The following HS3ST4 variants were observed in gnomAD, a reference collection of about 807,000 sequenced individuals.
HS3ST4 encodes heparan sulfate glucosamine 3-O-sulfotransferase 4.
Under a neutral mutation model 29.2 loss-of-function variants are expected in HS3ST4, and 17 were observed. The observed-to-expected ratio is 0.58, with a 90% CI of 0.40 to 0.87. The LOEUF (loss-of-function observed/expected upper bound fraction) is 0.87, where lower values mean the gene tolerates loss of function less well. Ranked by LOEUF, HS3ST4 falls within the 40% of genes least tolerant of loss-of-function variation. The pLI is 0.00. For missense variants in HS3ST4, 627 were observed against 634.5 expected (o/e 0.99, Z 0.13); for synonymous variants, 314 against 285.7 (o/e 1.10, Z -1.00).
chr16:25,776,259 T>C (rs1320189923), intron 1 of HS3ST4, among the ~76,000 whole-genome samples: 1 of 152,146 alleles, frequency 6.6e-6, no homozygotes, highest in African/African-American at 2.4e-5. Context: ...CCAGAATCAC[T>C]AAGTTAAAGG....
In HS3ST4 at chr16:25,874,553, A is replaced by G. The variant is rs988618477; in HGVS notation, c.734+181402A>G. On this transcript the variant is annotated intron_variant, in intron 1 of 1. Coordinates refer to ENST00000331351, the MANE Select transcript of HS3ST4 (RefSeq NM_006040.3). ...CCACATATTTGAATCCCACCCATCCATCAATTTTTCCATCCACCAACTTAT... is the reference window on the plus strand; with the variant it reads ...CCACATATTTGAATCCCACCCATCCGTCAATTTTTCCATCCACCAACTTAT... Among the ~76,000 whole-genome samples, 3 of 152,144 alleles carry G rather than the reference A, an allele frequency of 2.0e-5. 1 individual carries two copies. Among genetic ancestry groups the G allele is most frequent in the Admixed American group, 1.3e-4 (2 of 15,268 alleles).
chr16:25,826,219 C>T (rs1967213173), intron 1 of HS3ST4: 1 of 152,172 alleles, frequency 6.6e-6, no homozygotes, highest in Non-Finnish European at 1.5e-5. Context: ...TACAGAATTT[C>T]CTTCTGGACC....
At chr16:25,870,710 T>C (rs1967742685) in intron 1 of HS3ST4, among the ~76,000 whole-genome samples, 1 of 152,168 alleles carries the variant, frequency 6.6e-6, no homozygotes, top group African/African-American at 2.4e-5. Context: ...TAGGATCGCT[T>C]AGTTTTAACC....
intron 1 of HS3ST4, among the ~76,000 whole-genome samples, chr16:25,839,655 C>G (rs751560957): frequency 1.3e-5 from 2 of 152,014 alleles, no homozygotes; most frequent in Non-Finnish European, 2.9e-5. Flanking sequence ...TATAAAAATG[C>G]CAGGGTCTCA....
At chr16:25,993,028 C>T (rs1185284526) in intron 1 of HS3ST4, among the ~76,000 whole-genome samples, 2 of 152,130 alleles carry the variant, frequency 1.3e-5, no homozygotes, top group Non-Finnish European at 2.9e-5. Context: ...GTGAAACTGC[C>T]TCCTTTCAGT....
intron 1 of HS3ST4, among the ~76,000 whole-genome samples, chr16:25,924,531 C>T (rs1287180250): frequency 6.6e-6 from 1 of 152,134 alleles, no homozygotes; most frequent in Non-Finnish European, 1.5e-5. Context: ...GTAATTGGTA[C>T]TTGTTGTATA....
intron 1 of HS3ST4, among the ~76,000 whole-genome samples, chr16:25,953,229 G>C (rs117363912): frequency 0.043 from 6,534 of 152,238 alleles, 214 homozygotes; most frequent in Middle Eastern, 0.071. Context: ...AGGTGTGATG[G>C]CTTCAGGGGC....
intron 1 of HS3ST4, among the ~76,000 whole-genome samples, chr16:25,755,166 C>T (rs1428752046): frequency 2.6e-5 from 4 of 152,152 alleles, no homozygotes; most frequent in African/African-American, 9.7e-5. Context: ...CAAGCAGTCA[C>T]CTAGTCCTAC....
chr16:25,758,588 G>A (rs1966771223), intron 1 of HS3ST4, among the ~76,000 whole-genome samples: 1 of 152,128 alleles, frequency 6.6e-6, no homozygotes, highest in Admixed American at 6.5e-5. Context: ...CCTCTACAAG[G>A]ATAAAAAGAC....
intron 1 of HS3ST4, among the ~76,000 whole-genome samples, chr16:25,973,515 T>C (rs1014479420): frequency 1.3e-5 from 2 of 152,238 alleles, no homozygotes; most frequent in Non-Finnish European, 2.9e-5. Context: ...GAGTTCACTA[T>C]TCTTTCCTTC....
At chr16:25,800,309 A>AC (rs1448896548) in intron 1 of HS3ST4, among the ~76,000 whole-genome samples, 2 of 152,072 alleles carry the variant, frequency 1.3e-5, no homozygotes, top group African/African-American at 4.8e-5. Context: ...GAGTGGAATC[A>AC]CCCACTTAAA....
chr16:25,791,438 T>TTTTGATTGGAATTACATCCAA (rs1180634834), intron 1 of HS3ST4, among the ~76,000 whole-genome samples: 3 of 152,150 alleles, frequency 2.0e-5, no homozygotes, highest in Non-Finnish European at 4.4e-5. Context: ...AAATATTGGC[T>TTTTGATTGGAATTACATCCAA]TTTGATTGGA....
chr16:25,975,468 G>T (rs1459890208), intron 1 of HS3ST4, among the ~76,000 whole-genome samples: 3 of 152,090 alleles, frequency 2.0e-5, no homozygotes, highest in African/African-American at 7.2e-5. Flanking sequence ...GTCTGGCATG[G>T]CTACATTAAG....
At chr16:25,912,853 A>T (rs1968254405) in intron 1 of HS3ST4, among the ~76,000 whole-genome samples, 1 of 152,198 alleles carries the variant, frequency 6.6e-6, no homozygotes, top group African/African-American at 2.4e-5. Flanking sequence ...TCATCTGTTT[A>T]GCCATAATAC....
chr16:25,780,957 T>C (rs781388797), intron 1 of HS3ST4, among the ~76,000 whole-genome samples: 1 of 152,132 alleles, frequency 6.6e-6, no homozygotes, highest in Non-Finnish European at 1.5e-5. Flanking sequence ...TATTCAGTAG[T>C]AGAAGGCTGG....
chr16:26,084,552 C>G (rs752537800), intron 1 of HS3ST4, among the ~76,000 whole-genome samples: 1 of 152,082 alleles, frequency 6.6e-6, no homozygotes. Context: ...AGTGATCATG[C>G]GTCTATCACC....
intron 1 of HS3ST4, among the ~76,000 whole-genome samples, chr16:25,942,745 A>G (rs1349649351): frequency 6.6e-6 from 1 of 151,524 alleles, no homozygotes; most frequent in Non-Finnish European, 1.5e-5. Context: ...CAGCCTCCCA[A>G]TTAGCTAGGA....
chr16:25,868,058 A>G (rs1311416996), intron 1 of HS3ST4, among the ~76,000 whole-genome samples: 1 of 152,094 alleles, frequency 6.6e-6, no homozygotes, highest in Non-Finnish European at 1.5e-5. Flanking sequence ...AAATAAGGCA[A>G]TAAAGGCCCT....
intron 1 of HS3ST4, among the ~76,000 whole-genome samples, chr16:25,891,628 A>G (rs1300945975): frequency 6.6e-6 from 1 of 152,218 alleles, no homozygotes; most frequent in Middle Eastern, 3.2e-3. Flanking sequence ...GCCACATAGC[A>G]TCACGTACTC....
Sources: allele counts gnomAD v4.1 joint callset (sites outside exome capture counted in the v4.1 genomes callset), GRCh38; gene constraint gnomAD v4.1.1; transcripts MANE v1.5; gene names NCBI Gene and HGNC (gene_info 2026-07-23, HGNC 2026-07-21).